Variants in HYDIN observed in about 807,000 individuals in gnomAD.
HYDIN encodes the protein axonemal central pair apparatus protein HYDIN.
In HYDIN, 132 loss-of-function variants were observed where a neutral mutation model predicts 403.9. The ratio of observed to expected loss-of-function variants is 0.33; its 90% CI spans 0.28 to 0.38. The LOEUF is 0.38. Ranked by LOEUF, HYDIN falls within the 10% of genes least tolerant of loss-of-function variation. The pLI is 1.00. For synonymous variants in HYDIN, 1,202 were observed against 1,891.7 expected, an observed-to-expected ratio of 0.64 and a Z score of 9.46; for missense variants, 2,827 against 5,009.5, an observed-to-expected ratio of 0.56 and a Z score of 13.15.
chr16:70,998,195 G>A (rs1324440801), intron 23 of HYDIN, among the ~76,000 whole-genome samples: 1 of 152,270 alleles, frequency 6.6e-6, no homozygotes, highest in Non-Finnish European at 1.5e-5. Context: ...CTAGCACAGT[G>A]CCCTGCACAA....
chr16:71,171,599 A>C (rs1346958661), intron 5 of HYDIN, among the ~76,000 whole-genome samples: 1 of 152,186 alleles, frequency 6.6e-6, no homozygotes, highest in African/African-American at 2.4e-5. Flanking sequence ...TGTTAGCCTT[A>C]TTATCAAATT....
chr16:71,225,667 A>G (rs1047853098), intron 1 of HYDIN, among the ~76,000 whole-genome samples: 3 of 152,208 alleles, frequency 2.0e-5, no homozygotes, highest in East Asian at 1.9e-4. Flanking sequence ...TGGTGCTTAG[A>G]ACTTGAGGTT....
chr16:71,132,645 G>T (rs2084755901), intron 8 of HYDIN: 1 of 134,898 alleles, frequency 7.4e-6, no homozygotes, highest in Non-Finnish European at 1.6e-5. Flanking sequence ...ATGGACTGAG[G>T]AGTATGAGAA....
At chr16:71,004,550 T>G (rs1046756973) in intron 23 of HYDIN, among the ~76,000 whole-genome samples, 8 of 152,100 alleles carry the variant, frequency 5.3e-5, no homozygotes, top group African/African-American at 1.9e-4. Context: ...AAACCAACCT[T>G]GCATTCCTGG....
At chr16:70,837,313 A>T (rs2037496161) in intron 77 of HYDIN, among the ~76,000 whole-genome samples, 1 of 151,464 alleles carries the variant, frequency 6.6e-6, no homozygotes, top group African/African-American at 2.5e-5. Flanking sequence ...ATGTTAAAAA[A>T]AATGTTATCT....
At position 70,871,231 on chromosome 16, in the gene HYDIN, A is replaced by C. The variant is rs529511148; in HGVS notation, c.11091+806T>G. Among the ~76,000 whole-genome samples the C allele has an allele frequency of 3.7e-4, 56 of 151,934 alleles. 1 individual carries two copies. The highest frequency in any genetic ancestry group is 1.7e-3 in the Admixed American group (26 of 15,274). On this transcript the variant is annotated intron_variant, in intron 65 of 85. Transcript: ENST00000393567. Reference sequence around the variant, plus strand: ...CTAATGAACTTTACATCACTCCAAAAAGCAAAATTTATCCCTAATAGCGCT... The same window carrying C: ...CTAATGAACTTTACATCACTCCAAACAGCAAAATTTATCCCTAATAGCGCT...
rs1169759100 is a variant in HYDIN, at chr16:70,818,516, C to T, written c.14484G>A (p.Arg4828=). Residue 4828 remains arginine (R), a synonymous_variant, in exon 84 of 86, where the codon AGG becomes AGA. Coordinates refer to ENST00000393567, the MANE Select transcript of HYDIN (RefSeq NM_001270974.2). The part of the protein sequence containing the change: ...NEFLYYNVSF[R]VIPSGIIKTI... ...TTTTGATGATGCCTGAAGGGATGACCCTGAAACTCACATTGTAGTACAAGA... is the reference window on the plus strand; with the variant it reads ...TTTTGATGATGCCTGAAGGGATGACTCTGAAACTCACATTGTAGTACAAGA... 1 of 1,401,462 alleles carries T rather than the reference C, an allele frequency of 7.1e-7. No individual in the cohort carries two copies. Among genetic ancestry groups the T allele is most frequent in the African/African-American group, 1.4e-5 (1 of 68,988 alleles). 86.8% of individuals were successfully genotyped at this position (1,401,462 alleles called of 1,614,324 possible). A position where few individuals can be genotyped will look rare whatever the true frequency, so the allele number is the denominator to read the frequency against.
chr16:71,199,799 T>C (rs1300086922), intron 1 of HYDIN, among the ~76,000 whole-genome samples: 1 of 152,188 alleles, frequency 6.6e-6, no homozygotes, highest in South Asian at 2.1e-4. Context: ...TTAAAAAAAT[T>C]TGAAGACAAA....
At chr16:71,024,776 A>T (rs1232527147) in intron 21 of HYDIN, among the ~76,000 whole-genome samples, 1 of 146,018 alleles carries the variant, frequency 6.8e-6, no homozygotes, top group African/African-American at 2.6e-5. Flanking sequence ...CCTGACTCTG[A>T]CATTTACTGT....
chr16:71,194,876 C>T (rs566909009), intron 1 of HYDIN, among the ~76,000 whole-genome samples: 1 of 152,278 alleles, frequency 6.6e-6, no homozygotes, highest in South Asian at 2.1e-4. Flanking sequence ...CTCAGTTCCT[C>T]CTCTCACAAG....
intron 1 of HYDIN, 111 bp from the exon 2 acceptor site, chr16:71,187,029 TC>T (rs1432364470): frequency 3.2e-6 from 2 of 634,724 alleles, no homozygotes; most frequent in East Asian, 5.5e-5. Context: ...ATACTGATCT[TC>T]CGAAATCCAA....
chr16:71,195,883 C>G (rs1357512743), intron 1 of HYDIN, among the ~76,000 whole-genome samples: 1 of 152,076 alleles, frequency 6.6e-6, no homozygotes, highest in East Asian at 1.9e-4. Context: ...AACTGCTTCT[C>G]CATGGGAAAG....
chr16:71,087,106 A>G (rs1224814336), intron 12 of HYDIN, among the ~76,000 whole-genome samples: 1 of 152,068 alleles, frequency 6.6e-6, no homozygotes, highest in Non-Finnish European at 1.5e-5. Flanking sequence ...GTTTCAGATA[A>G]GTCTTGAGAC....
intron 45 of HYDIN, among the ~76,000 whole-genome samples, chr16:70,922,806 T>A (rs1186852022): frequency 4.0e-5 from 5 of 125,602 alleles, no homozygotes; most frequent in African/African-American, 2.7e-5. Context: ...TTTTTTTTTT[T>A]AGACAAGTTG....
chr16:70,832,599 T>C (rs1190979055), intron 80 of HYDIN, among the ~76,000 whole-genome samples: 8 of 152,248 alleles, frequency 5.3e-5, no homozygotes, highest in African/African-American at 1.7e-4. Flanking sequence ...TCATAGATCT[T>C]AGAATGTGAT....
Position 71,175,707 on chromosome 16 carries a change from G to A in HYDIN, c.416C>T (p.Ser139Leu), listed in dbSNP as rs753825612. Reference protein sequence around the residue: ...PRLVKVVEESSPYFKVISPKD... With the variant: ...PRLVKVVEESLPYFKVISPKD... ...GGGGCTGATTACTTTAAAGTAAGGC[G>A]AACTTTCTTCCACAACTTTCACCAA... is the stretch of plus-strand genomic sequence containing the variant. Residue 139 changes from serine to leucine, a missense_variant, in exon 5 of 86, where the codon TCG becomes TTG. Physicochemically the swap from Ser to Leu is moderately radical, Grantham distance 145. Transcript: ENST00000393567. 14 of 1,613,998 alleles carry A rather than the reference G, an allele frequency of 8.7e-6. No individual in the cohort carries two copies. The highest frequency in any genetic ancestry group is 2.2e-5 in the East Asian group (1 of 44,898).
At chr16:71,008,577 G>C (rs984681417) in intron 23 of HYDIN, among the ~76,000 whole-genome samples, 7 of 151,818 alleles carry the variant, frequency 4.6e-5, no homozygotes, top group African/African-American at 1.7e-4. Flanking sequence ...ATTCTTTGTG[G>C]TCTGGAAAGC....
intron 55 of HYDIN, 63 bp downstream of exon 55, chr16:70,894,386 A>C: frequency 6.2e-7 from 1 of 1,607,328 alleles, no homozygotes; most frequent in Non-Finnish European, 8.5e-7. Flanking sequence ...ACGATCTCAT[A>C]TTTCCCCACA....
At chr16:70,872,371 T>C (rs1206380420) in intron 64 of HYDIN, among the ~76,000 whole-genome samples, 192 bp from the exon 65 acceptor site, 16 of 137,140 alleles carry the variant, frequency 1.2e-4, no homozygotes, top group Non-Finnish European at 2.0e-4. Flanking sequence ...TCCATCCATC[T>C]ATCCATCCAT....
Sources: gnomAD v4.1 joint callset for allele counts (sites outside exome capture counted in the v4.1 genomes callset) on GRCh38, gnomAD v4.1.1 for gene constraint, MANE v1.5 for transcripts, NCBI Gene and HGNC (gene_info 2026-07-23, HGNC 2026-07-21) for gene names.